The following AGO1 variants were observed in gnomAD, a reference collection of about 807,000 sequenced individuals.
AGO1 encodes argonaute RISC component 1.
A neutral mutation model predicts 109.2 loss-of-function variants in AGO1; 11 were observed. The ratio of observed to expected loss-of-function variants is 0.10; its 90% CI spans 0.06 to 0.17. AGO1 has a LOEUF of 0.17. AGO1 is among the 10% of genes least tolerant of loss of function. The pLI is 1.00. For synonymous variants in AGO1, 422 were observed against 418.6 expected (o/e 1.01, Z -0.10); for missense variants, 574 against 1,140.3 (o/e 0.50, Z 7.15).
chr1:35,918,227 C>A (rs1314924259), intron 16 of AGO1, 95 bp from the exon 17 acceptor site: 1 of 1,001,746 alleles, frequency 1.0e-6, no homozygotes, highest in Non-Finnish European at 1.6e-6. Flanking sequence ...TGGCTTTGTT[C>A]TTGGGATTTT....
At chr1:35,883,018 T>C (rs748799198), upstream of AGO1, among the ~76,000 whole-genome samples, 18 of 152,190 alleles carry the variant, frequency 1.2e-4, no homozygotes, top group Non-Finnish European at 2.4e-4. This position sits in a 1 kb window ranked among gnomAD's most constrained non-coding sequence, Gnocchi z 5.4. Flanking sequence ...GCCCCACTTA[T>C]ACCACTGCGC....
At chr1:35,884,669 A>T (rs926014317) in intron 1 of AGO1, among the ~76,000 whole-genome samples, 3 of 152,160 alleles carry the variant, frequency 2.0e-5, no homozygotes. Flanking sequence ...TATAGCCTTC[A>T]TCCTGGTGAG....
chr1:35,884,971 GT>G (rs1553153253), intron 1 of AGO1, among the ~76,000 whole-genome samples: 1 of 151,784 alleles, frequency 6.6e-6, no homozygotes, highest in Admixed American at 6.6e-5. Flanking sequence ...GAATTATTTT[GT>G]TTTTTTTGTA....
upstream of AGO1, among the ~76,000 whole-genome samples, chr1:35,878,470 A>G (rs1001122358): frequency 3.3e-5 from 5 of 152,152 alleles, no homozygotes; most frequent in African/African-American, 9.7e-5. Flanking sequence ...CAGCACTGAT[A>G]TATGTATTTG....
At position 35,919,702 on chromosome 1, in the gene AGO1, T is replaced by C; in HGVS notation, c.*95T>C. ...CCAGAGGAAGCAAGGAGGAGGGAGG[T>C]GGGGTAGGGAGGAGTGTAGGATGCC... On this transcript the variant is annotated 3_prime_UTR_variant, in exon 19 of 19. Transcript: ENST00000373204. This position sits in a 1 kb window ranked among gnomAD's most constrained non-coding sequence, Gnocchi z 6.6. 3 of 1,215,134 alleles carry C rather than the reference T, an allele frequency of 2.5e-6. No individual in the cohort carries two copies. The highest frequency in any genetic ancestry group is 3.5e-6 in the Non-Finnish European group (3 of 861,026). 75.3% of individuals were successfully genotyped at this position (1,215,134 alleles called of 1,614,324 possible).
At chr1:35,898,284 T>C (rs1387537573) in intron 8 of AGO1, among the ~76,000 whole-genome samples, 2 of 150,350 alleles carry the variant, frequency 1.3e-5, no homozygotes, top group Non-Finnish European at 3.0e-5. Context: ...TGAGACGGAG[T>C]ATCGCTCTGT....
At chr1:35,886,679 G>A (rs1645125974) in intron 1 of AGO1, among the ~76,000 whole-genome samples, 2 of 152,148 alleles carry the variant, frequency 1.3e-5, no homozygotes, top group African/African-American at 4.8e-5. Flanking sequence ...ACCCACAAAC[G>A]TGCATATTTG....
chr1:35,875,287 G>A (rs1028579277), intron 1 of AGO1, among the ~76,000 whole-genome samples: 5 of 151,978 alleles, frequency 3.3e-5, no homozygotes, highest in African/African-American at 7.3e-5. Context: ...CCAGTCCTCC[G>A]TTACCATTAT....
chr1:35,903,744 C>A (rs1158936604), intron 11 of AGO1, among the ~76,000 whole-genome samples: 1 of 151,676 alleles, frequency 6.6e-6, no homozygotes, highest in African/African-American at 2.4e-5. Flanking sequence ...GCGGGCGGAT[C>A]ACAAGGTCAG....
chr1:35,923,455 A>G lies in AGO1; in HGVS notation c.*3848A>G, dbSNP rs1645869071. On this transcript the variant is annotated 3_prime_UTR_variant, in exon 19 of 19. Coordinates refer to ENST00000373204, the MANE Select transcript of AGO1 (RefSeq NM_012199.5). ...TCTTCCCCATCAGGGTAGAAAAATC[A>G]TCTCAAACTAGCCAAAAGGCAGTTT... is the stretch of plus-strand genomic sequence containing the variant. The G allele has an allele frequency of 6.5e-6, 1 of 152,676 alleles. No individual in the cohort carries two copies. The highest frequency in any genetic ancestry group is 6.5e-5 in the Admixed American group (1 of 15,286). The allele number at this position is 152,676 out of a possible 1,614,324, so 9.5% of individuals were successfully genotyped here.
chr1:35,879,394 G>A (rs1157477320), upstream of AGO1, among the ~76,000 whole-genome samples: 1 of 151,852 alleles, frequency 6.6e-6, no homozygotes, highest in Non-Finnish European at 1.5e-5. Context: ...GTTACTGTGA[G>A]CCAAGATCGT....
At chr1:35,903,453 A>G (rs145320310) in intron 11 of AGO1, among the ~76,000 whole-genome samples, 27 of 152,208 alleles carry the variant, frequency 1.8e-4, no homozygotes, top group Middle Eastern at 3.4e-3. Flanking sequence ...AGTGGGGTCA[A>G]TGCACTCTAG....
Position 35,909,019 on chromosome 1 carries a change from T to C in AGO1, c.1582+1900T>C, listed in dbSNP as rs192370177. Among the ~76,000 whole-genome samples the C allele has an allele frequency of 6.9e-3, 1,049 of 152,212 alleles. 10 individuals are homozygous for C. Among genetic ancestry groups the C allele is most frequent in the African/African-American group, 0.022 (920 of 41,534 alleles). ...TTTTAGTACAGATGGAGTTTCGCCA[T>C]GTTGGCCAGGCTGGTCTCAAACTCC... is the stretch of plus-strand genomic sequence containing the variant. On this transcript the variant is annotated intron_variant, in intron 12 of 18. Transcript: ENST00000373204.
intron 1 of AGO1, among the ~76,000 whole-genome samples, chr1:35,884,243 T>G (rs1645083031): frequency 6.6e-6 from 1 of 152,072 alleles, no homozygotes; most frequent in Non-Finnish European, 1.5e-5. Flanking sequence ...TTGCTAAGAA[T>G]GGGTTGAGGG....
At position 35,871,339 on chromosome 1, in the gene AGO1, A is replaced by G. The variant is rs141512284; in HGVS notation, c.-201+1436A>G. Among the ~76,000 whole-genome samples the G allele has an allele frequency of 1.2e-3, 175 of 151,766 alleles. 1 individual carries two copies. The highest frequency in any genetic ancestry group is 6.8e-3 in the Middle Eastern group (2 of 292). ...GGTGGGTGGGTCGCCCGAGATCAGG[A>G]GTTCGAGACCAGTCTGGTCAACATG... On this transcript the variant is annotated intron_variant, in intron 1 of 18. Transcript: ENST00000373206.
chr1:35,884,209 T>C (rs942785425), intron 1 of AGO1, among the ~76,000 whole-genome samples: 4 of 152,028 alleles, frequency 2.6e-5, no homozygotes, highest in Admixed American at 2.0e-4. Flanking sequence ...TTAGGGGCTC[T>C]TACACTTGGC....
Position 35,920,617 on chromosome 1 carries a change from A to G in AGO1, c.*1010A>G, listed in dbSNP as rs1324508934. ...TCCATTGACATTTGCACTTTCAAAC[A>G]TGACAAGTCTCGGAGCTGCTGAGAT... On this transcript the variant is annotated 3_prime_UTR_variant, in exon 19 of 19. Transcript: ENST00000373204. The G allele has an allele frequency of 6.6e-6, 1 of 152,536 alleles. No individual in the cohort carries two copies. The highest frequency in any genetic ancestry group is 1.5e-5 in the Non-Finnish European group (1 of 68,044). 9.4% of individuals were successfully genotyped at this position (152,536 alleles called of 1,614,324 possible). A position where few individuals can be genotyped will look rare whatever the true frequency, so the allele number is the denominator to read the frequency against.
chr1:35,879,946 T>C (rs970962162), upstream of AGO1, among the ~76,000 whole-genome samples: 2 of 151,802 alleles, frequency 1.3e-5, no homozygotes, highest in Non-Finnish European at 1.5e-5. Context: ...AAGTATGAGG[T>C]TGAGTATTTA....
In AGO1 at chr1:35,892,561, G is replaced by A; in HGVS notation, c.214G>A (p.Val72Met). ...DKCPRRVNRE[V>M]VEYMVQHFKP... Reference sequence around the variant, plus strand: ...GGCCACTCCTATCCCCCACAGGGAAGTGGTGGAATACATGGTCCAGCATTT... The same window carrying A: ...GGCCACTCCTATCCCCCACAGGGAAATGGTGGAATACATGGTCCAGCATTT... The change falls in exon 3 of 19, where the codon GTG (valine) becomes ATG (methionine). Residue 72 changes from valine (V) to methionine (M), a missense_variant. Val to Met is a conservative substitution (Grantham distance 21). Transcript: ENST00000373204. The A allele has an allele frequency of 6.2e-7, 1 of 1,614,250 alleles. No individual in the cohort carries two copies. The highest frequency in any genetic ancestry group is 8.5e-7 in the Non-Finnish European group (1 of 1,180,040).
Sources: gnomAD v4.1 joint callset for allele counts (sites outside exome capture counted in the v4.1 genomes callset) on GRCh38, gnomAD v4.1.1 for gene constraint, Gnocchi (gnomAD v3.1) non-coding constraint, MANE v1.5 for transcripts, NCBI Gene and HGNC (gene_info 2026-07-23, HGNC 2026-07-21) for gene names.